CYFIP1: variants seen among roughly 807,000 people sequenced by gnomAD.
CYFIP1 encodes cytoplasmic FMR1 interacting protein 1, also known as cytoplasmic FMR1-interacting protein 1.
CYFIP1 carries 58 observed loss-of-function variants against 163.5 expected under a neutral mutation model. The ratio of observed to expected loss-of-function variants is 0.35; its 90% CI spans 0.29 to 0.44. CYFIP1 has a LOEUF of 0.44. Among genes scored for constraint, CYFIP1 ranks in the 20% least tolerant of loss-of-function variants. The pLI is 1.00. For missense variants in CYFIP1, 1,338 were observed against 1,653.8 expected, an observed-to-expected ratio of 0.81 and a Z score of 3.31; for synonymous variants, 663 against 660.7, an observed-to-expected ratio of 1.00 and a Z score of -0.05.
At chr15:22,886,258 T>C (rs948151392) in intron 23 of CYFIP1, among the ~76,000 whole-genome samples, 2 of 152,078 alleles carry the variant, frequency 1.3e-5, no homozygotes, top group African/African-American at 4.8e-5. Flanking sequence ...GAGATTTGGG[T>C]GTGGACATAG....
intron 13 of CYFIP1, among the ~76,000 whole-genome samples, chr15:22,924,301 G>C (rs2061291057): frequency 6.6e-6 from 1 of 152,142 alleles, no homozygotes; most frequent in South Asian, 2.1e-4. Context: ...GTGGGTGCCT[G>C]TAATCCCAGC....
intron 30 of CYFIP1, among the ~76,000 whole-genome samples, chr15:22,872,295 A>C (rs77232587): frequency 5.8e-5 from 1 of 17,290 alleles, no homozygotes; most frequent in East Asian, 9.3e-4. Context: ...AACTGTCTCA[A>C]AAAAAAAAAA....
intron 6 of CYFIP1, among the ~76,000 whole-genome samples, chr15:22,940,362 A>G (rs1247525964): frequency 1.3e-5 from 2 of 152,194 alleles, no homozygotes; most frequent in Non-Finnish European, 2.9e-5. Flanking sequence ...CCCACCCTGC[A>G]GCTAGCTGTG....
intron 5 of CYFIP1, among the ~76,000 whole-genome samples, chr15:22,944,188 G>C (rs1319397663): frequency 1.4e-5 from 2 of 144,558 alleles, no homozygotes; most frequent in South Asian, 4.3e-4. Flanking sequence ...GCAGTGAGCC[G>C]AGATCATGCC....
At chr15:22,935,071 T>A (rs2061671937) in intron 9 of CYFIP1, among the ~76,000 whole-genome samples, 1 of 151,884 alleles carries the variant, frequency 6.6e-6, no homozygotes, top group South Asian at 2.1e-4. Flanking sequence ...AGAAAAAAAA[T>A]GGTTTTGGGG....
intron 11 of CYFIP1, among the ~76,000 whole-genome samples, chr15:22,931,956 T>C (rs2061553055): frequency 6.6e-6 from 1 of 152,140 alleles, no homozygotes; most frequent in Non-Finnish European, 1.5e-5. Context: ...GCTCCATAGG[T>C]GTGTGGCCTA....
At chr15:22,915,594 C>G (rs1158167192) in intron 16 of CYFIP1, among the ~76,000 whole-genome samples, 1 of 151,966 alleles carries the variant, frequency 6.6e-6, no homozygotes, top group Non-Finnish European at 1.5e-5. Context: ...ACTAAAAATA[C>G]AAAAATTAGC....
chr15:22,943,864 G>A (rs2061970151), intron 5 of CYFIP1, among the ~76,000 whole-genome samples: 1 of 152,136 alleles, frequency 6.6e-6, no homozygotes, highest in South Asian at 2.1e-4. Context: ...GCCTAACCAA[G>A]GCCAGGGCGA....
intron 11 of CYFIP1, among the ~76,000 whole-genome samples, chr15:22,931,697 A>AAAAAAAAAAAAAAAAAC (rs2061542490): frequency 6.7e-6 from 1 of 150,080 alleles, no homozygotes; most frequent in East Asian, 2.0e-4. Context: ...AAAAAAAAAA[A>AAAAAAAAAAAAAAAAAC]AAAAAAAAAA....
chr15:22,873,009 T>C (rs1454596724), intron 29 of CYFIP1, 37 bp from the exon 30 acceptor site: 1 of 1,608,318 alleles, frequency 6.2e-7, no homozygotes, highest in East Asian at 2.2e-5. Context: ...GGGAGATGAG[T>C]GATACGTTAT....
intron 6 of CYFIP1, 68 bp downstream of exon 6, chr15:22,943,105 G>A: frequency 6.7e-7 from 1 of 1,485,528 alleles, no homozygotes; most frequent in South Asian, 1.2e-5. Flanking sequence ...CACACCTGCT[G>A]TGCACAAGGC....
At chr15:22,923,643 C>T (rs377159722) in intron 13 of CYFIP1, among the ~76,000 whole-genome samples, 8 of 151,990 alleles carry the variant, frequency 5.3e-5, no homozygotes, top group Admixed American at 3.9e-4. Flanking sequence ...CACAAAAACC[C>T]GCACATGAAA....
intron 26 of CYFIP1, among the ~76,000 whole-genome samples, chr15:22,878,011 G>A (rs1323983547): frequency 6.6e-6 from 1 of 152,180 alleles, no homozygotes; most frequent in Non-Finnish European, 1.5e-5. Flanking sequence ...CCTGAGCTGT[G>A]TACAGACCAC....
chr15:22,930,391 A>AAG, intron 11 of CYFIP1, among the ~76,000 whole-genome samples: 1 of 99,896 alleles, frequency 1.0e-5, no homozygotes, highest in African/African-American at 3.7e-5. Flanking sequence ...GTCTCACCCA[A>AAG]AAAAAAAAAA....
chr15:22,977,063 G>A (rs963553051), intron 1 of CYFIP1, among the ~76,000 whole-genome samples: 1 of 152,154 alleles, frequency 6.6e-6, no homozygotes, highest in African/African-American at 2.4e-5. Flanking sequence ...GCCAGACATG[G>A]TGGCACATGC....
At chr15:22,915,549 G>A (rs1194497769) in intron 16 of CYFIP1, among the ~76,000 whole-genome samples, 1 of 151,764 alleles carries the variant, frequency 6.6e-6, no homozygotes, top group Non-Finnish European at 1.5e-5. Flanking sequence ...AGGAGTTTGA[G>A]ACCAGCCTGG....
At chr15:22,902,621 CAG>C (rs1303764845) in intron 22 of CYFIP1, among the ~76,000 whole-genome samples, 2 of 152,250 alleles carry the variant, frequency 1.3e-5, no homozygotes, top group African/African-American at 2.4e-5. Context: ...GTGAGTTAAA[CAG>C]AGACGGTGGT....
At chr15:22,954,328 T>G (rs1445174910) in intron 1 of CYFIP1, among the ~76,000 whole-genome samples, 1 of 152,166 alleles carries the variant, frequency 6.6e-6, no homozygotes, top group Non-Finnish European at 1.5e-5. Context: ...TTGTTAATGG[T>G]AGCCCTGGCA....
chr15:22,907,134 G>A (rs1383872565), intron 21 of CYFIP1, among the ~76,000 whole-genome samples: 2 of 152,146 alleles, frequency 1.3e-5, no homozygotes, highest in African/African-American at 4.8e-5. Context: ...CTTTGTCTTA[G>A]GAGGGAATTT....
Sources: gnomAD v4.1 joint callset for allele counts (sites outside exome capture counted in the v4.1 genomes callset) on GRCh38, gnomAD v4.1.1 for gene constraint, MANE v1.5 for transcripts, NCBI Gene and HGNC (gene_info 2026-07-23, HGNC 2026-07-21) for gene names.